Variants in RIN3 observed in about 807,000 individuals in gnomAD.
The protein encoded by RIN3 is Ras and Rab interactor 3.
Under a neutral mutation model 76.3 loss-of-function variants are expected in RIN3, and 54 were observed. That is an observed-to-expected ratio of 0.71 (90% CI 0.57 to 0.89). The LOEUF (loss-of-function observed/expected upper bound fraction) is 0.89, where lower values mean the gene tolerates loss of function less well. Among genes scored for constraint, RIN3 ranks in the 40% least tolerant of loss-of-function variants. RIN3 has a pLI of 0.00. For missense variants in RIN3, 1,256 were observed against 1,322.1 expected (o/e 0.95, Z 0.78); for synonymous variants, 576 against 564.0 (o/e 1.02, Z -0.30).
chr14:92,567,194 A>G (rs573813402), intron 2 of RIN3, among the ~76,000 whole-genome samples: 1 of 152,194 alleles, frequency 6.6e-6, no homozygotes, highest in Non-Finnish European at 1.5e-5. Context: ...ATTCGTCAGC[A>G]ATGCCTGATG....
chr14:92,522,779 T>C (rs1438167005), intron 1 of RIN3, among the ~76,000 whole-genome samples: 4 of 152,214 alleles, frequency 2.6e-5, no homozygotes, highest in Non-Finnish European at 1.5e-5. Flanking sequence ...AAGTTTTAGC[T>C]GAACATTTCC....
At chr14:92,669,655 G>T (rs919835830) in intron 7 of RIN3, among the ~76,000 whole-genome samples, 11 of 151,998 alleles carry the variant, frequency 7.2e-5, no homozygotes, top group African/African-American at 2.7e-4. Context: ...GAGGTGGGGG[G>T]TAGTTTTGAT....
At position 92,651,825 on chromosome 14, in the gene RIN3, C is replaced by T; in HGVS notation, c.776C>T (p.Ala259Val). 1 of 1,612,942 alleles carries T rather than the reference C, an allele frequency of 6.2e-7. No homozygotes were observed. Among genetic ancestry groups the T allele is most frequent in the Non-Finnish European group, 8.5e-7 (1 of 1,179,146 alleles). Residue 259 changes from alanine to valine, a missense_variant, in exon 6 of 10, where the codon GCA becomes GTA. Transcript: ENST00000216487. Reference sequence around the variant, plus strand: ...CAGCCACCTCTTGGAAATTGCCCTGCACGCCCTTTGCCGCCCACCTCTGAT... The same window carrying T: ...CAGCCACCTCTTGGAAATTGCCCTGTACGCCCTTTGCCGCCCACCTCTGAT... ...TDQPPLGNCP[A>V]RPLPPTSDAT...
chr14:92,529,950 C>G (rs1896841197), intron 1 of RIN3, among the ~76,000 whole-genome samples: 1 of 152,110 alleles, frequency 6.6e-6, no homozygotes, highest in South Asian at 2.1e-4. Flanking sequence ...ACACATAAAA[C>G]AAGGTTATGT....
chr14:92,524,399 C>G (rs1031467524), intron 1 of RIN3, among the ~76,000 whole-genome samples: 4 of 152,210 alleles, frequency 2.6e-5, no homozygotes, highest in African/African-American at 9.6e-5. Flanking sequence ...GTGGCCACTT[C>G]ACCTCTTTGC....
chr14:92,631,477 A>G (rs973993011), intron 4 of RIN3, among the ~76,000 whole-genome samples: 2 of 152,224 alleles, frequency 1.3e-5, no homozygotes, highest in African/African-American at 4.8e-5. Context: ...TAAGGGCTCT[A>G]GAGAGGGTTT....
At position 92,610,606 on chromosome 14, in the gene RIN3, G is replaced by A. The variant is rs549937797; in HGVS notation, c.368-4801G>A. The stretch of plus-strand genomic sequence containing the variant: ...TTTTGGGCAGTGCACCCTGTGTGTG[G>A]CTTTCTGATGGGAGAGGGTGGAATC... On this transcript the variant is annotated intron_variant, in intron 3 of 9. Transcript: ENST00000216487. Among the ~76,000 whole-genome samples the A allele has an allele frequency of 7.9e-5, 12 of 152,350 alleles. No homozygotes were observed. The South Asian group carries it at 2.3e-3, about 29-fold the overall frequency.
intron 1 of RIN3, among the ~76,000 whole-genome samples, chr14:92,523,876 G>C (rs1242713710): frequency 6.6e-6 from 1 of 152,086 alleles, no homozygotes; most frequent in Non-Finnish European, 1.5e-5. Flanking sequence ...CTGAGAGTTG[G>C]TGTCCCCGCC....
intron 1 of RIN3, among the ~76,000 whole-genome samples, chr14:92,544,228 A>C (rs1897193520): frequency 6.6e-6 from 1 of 152,058 alleles, no homozygotes; most frequent in Non-Finnish European, 1.5e-5. Flanking sequence ...GTACCTGTTC[A>C]CCACACTATG....
rs1887085296 is a variant in RIN3 at position 92,643,361 on chromosome 14, C to G, written c.532+2032C>G. ...GCCACCACACCCGGCCGCCTCTTAG[C>G]TCTTTATCCAAATTCTTCTAGGTCT... On this transcript the variant is annotated intron_variant, in intron 5 of 9. Transcript: ENST00000216487. The surrounding 1 kb of genome is among the most constrained non-coding windows in gnomAD (Gnocchi z 4.8). Among the ~76,000 whole-genome samples the G allele has an allele frequency of 6.6e-6, 1 of 152,150 alleles. No homozygotes were observed. The highest frequency in any genetic ancestry group is 2.1e-4 in the South Asian group (1 of 4,832).
intron 2 of RIN3, among the ~76,000 whole-genome samples, chr14:92,559,835 G>C (rs903497906): frequency 1.3e-5 from 2 of 152,202 alleles, no homozygotes; most frequent in Admixed American, 6.5e-5. Flanking sequence ...GGGGATGAAA[G>C]AGAGTGGAGG....
chr14:92,527,243 G>A (rs147709759), intron 1 of RIN3, among the ~76,000 whole-genome samples: 4,352 of 151,202 alleles, frequency 0.029, 229 homozygotes, highest in African/African-American at 0.1. Flanking sequence ...TAGTAGAGAC[G>A]GGGTTTCACC....
At chr14:92,600,819 G>A (rs1375517621) in intron 3 of RIN3, among the ~76,000 whole-genome samples, 3 of 152,206 alleles carry the variant, frequency 2.0e-5, no homozygotes, top group Admixed American at 6.5e-5. Context: ...TTGGGCATTG[G>A]AGAATGTTAG....
intron 9 of RIN3, chr14:92,686,190 A>C (rs1888852780): frequency 6.6e-6 from 1 of 152,282 alleles, no homozygotes. Flanking sequence ...CATCTATAAT[A>C]AGCAGAGCCC....
chr14:92,575,773 C>T (rs2140057226), intron 2 of RIN3, among the ~76,000 whole-genome samples: 1 of 152,270 alleles, frequency 6.6e-6, no homozygotes, highest in South Asian at 2.1e-4. Flanking sequence ...TTTACCACGT[C>T]CTGTTTTGTC....
chr14:92,636,327 T>G (rs1284685530), intron 4 of RIN3, among the ~76,000 whole-genome samples: 1 of 152,272 alleles, frequency 6.6e-6, no homozygotes, highest in Non-Finnish European at 1.5e-5. Flanking sequence ...GGCTCACGCC[T>G]GTAATCCCAA....
intron 4 of RIN3, among the ~76,000 whole-genome samples, chr14:92,636,871 G>A (rs1438239695): frequency 1.3e-5 from 2 of 150,776 alleles, no homozygotes; most frequent in Non-Finnish European, 2.9e-5. Flanking sequence ...ACAATTTAAT[G>A]TGACCCTGTC....
At chr14:92,533,213 G>A (rs969352437) in intron 1 of RIN3, among the ~76,000 whole-genome samples, 1 of 152,202 alleles carries the variant, frequency 6.6e-6, no homozygotes. Flanking sequence ...GCATTGTCCA[G>A]TGTGATAGCC....
At chr14:92,676,642 A>G (rs778308612) in intron 8 of RIN3, 36 bp downstream of exon 8, 15 of 1,604,794 alleles carry the variant, frequency 9.3e-6, no homozygotes, top group South Asian at 2.2e-5. Context: ...GGTGCATTGC[A>G]CACCCCCAAC....
Sources: gnomAD v4.1 joint callset for allele counts (sites outside exome capture counted in the v4.1 genomes callset) on GRCh38, gnomAD v4.1.1 for gene constraint, Gnocchi (gnomAD v3.1) non-coding constraint, MANE v1.5 for transcripts, NCBI Gene and HGNC (gene_info 2026-07-23, HGNC 2026-07-21) for gene names.